GPC6: variants seen among roughly 807,000 people sequenced by gnomAD.
GPC6 encodes glypican-6.
In GPC6, 14 loss-of-function variants were observed where a neutral mutation model predicts 55.2. The observed-to-expected ratio is 0.25, with a 90% confidence interval of 0.17 to 0.40. The LOEUF is 0.40. GPC6 is among the 10% of genes least tolerant of loss of function. The pLI, the probability that GPC6 is intolerant of heterozygous loss-of-function variation, is 1.00. For synonymous variants in GPC6, 278 were observed against 259.6 expected (o/e 1.07, Z -0.68); for missense variants, 641 against 708.5 (o/e 0.90, Z 1.08).
intron 2 of GPC6, among the ~76,000 whole-genome samples, chr13:93,567,706 C>T (rs560933791): frequency 6.6e-6 from 1 of 152,108 alleles, no homozygotes; most frequent in East Asian, 1.9e-4. Context: ...ATTTATATTT[C>T]AGTACATTGC....
chr13:93,400,853 T>G (rs932088581), intron 1 of GPC6, among the ~76,000 whole-genome samples: 1 of 151,942 alleles, frequency 6.6e-6, no homozygotes, highest in African/African-American at 2.4e-5. Flanking sequence ...AGCTGGGGGA[T>G]GTGGGAAAGT....
intron 4 of GPC6, among the ~76,000 whole-genome samples, chr13:94,171,461 A>C (rs557137210): frequency 6.4e-4 from 98 of 152,342 alleles, no homozygotes; most frequent in African/African-American, 2.3e-3. Flanking sequence ...AGGGTGCATA[A>C]GCGAAGCAGC....
At chr13:93,309,041 G>A (rs1270644634) in intron 1 of GPC6, among the ~76,000 whole-genome samples, 1 of 151,980 alleles carries the variant, frequency 6.6e-6, no homozygotes, top group Admixed American at 6.6e-5. Context: ...TACTATAGTG[G>A]AACAAAATAC....
At chr13:93,910,668 A>G (rs78544714) in intron 3 of GPC6, among the ~76,000 whole-genome samples, 1,642 of 152,244 alleles carry the variant, frequency 0.011, 25 homozygotes, top group African/African-American at 0.037. Context: ...GAAGATATAA[A>G]ATACCTCAAA....
intron 6 of GPC6, among the ~76,000 whole-genome samples, chr13:94,330,286 T>C (rs1340386160): frequency 6.6e-6 from 1 of 152,236 alleles, no homozygotes; most frequent in East Asian, 1.9e-4. Flanking sequence ...TTAAAGTCTG[T>C]TTGGCCACTG....
At chr13:93,517,772 G>T (rs767161594) in intron 1 of GPC6, among the ~76,000 whole-genome samples, 12 of 151,874 alleles carry the variant, frequency 7.9e-5, no homozygotes, top group Non-Finnish European at 1.8e-4. Context: ...TCCAGTGAGG[G>T]AATACAAATC....
intron 6 of GPC6, among the ~76,000 whole-genome samples, chr13:94,308,583 T>C (rs1378410043): frequency 2.0e-5 from 3 of 152,236 alleles, no homozygotes; most frequent in African/African-American, 4.8e-5. Context: ...AAGCCAATTT[T>C]ATTCTAAAAC....
At chr13:93,682,382 C>T (rs1269736773) in intron 2 of GPC6, among the ~76,000 whole-genome samples, 4 of 152,072 alleles carry the variant, frequency 2.6e-5, no homozygotes, top group East Asian at 1.9e-4. Context: ...GCCATGAGTG[C>T]GACTGGACCC....
chr13:93,797,159 G>A lies in GPC6; in HGVS notation c.320-32995G>A, dbSNP rs537189738. Among the ~76,000 whole-genome samples the A allele has an allele frequency of 4.9e-5, 5 of 101,092 alleles. No homozygotes were observed. The South Asian group carries it at 1.4e-3, about 29-fold the overall frequency. 66.3% of individuals were successfully genotyped at this position (101,092 alleles called of 152,430 possible). On this transcript the variant is annotated intron_variant, in intron 2 of 8. Coordinates refer to ENST00000377047, the MANE Select transcript of GPC6 (RefSeq NM_005708.5). ...ATAGTTCCCTTTGTCATTTAATAGA[G>A]AGGTAGAAAAATGCAGATTTTTATT...
At chr13:93,754,259 A>C (rs548589573) in intron 2 of GPC6, among the ~76,000 whole-genome samples, 1 of 152,336 alleles carries the variant, frequency 6.6e-6, no homozygotes, top group Admixed American at 6.5e-5. Flanking sequence ...AAGAGAGGAC[A>C]TTAGTAACAG....
chr13:93,672,844 G>T (rs1337838797), intron 2 of GPC6, among the ~76,000 whole-genome samples: 1 of 151,960 alleles, frequency 6.6e-6, no homozygotes, highest in African/African-American at 2.4e-5. Context: ...GATTAATGCT[G>T]CTTCTGCTGA....
intron 3 of GPC6, among the ~76,000 whole-genome samples, chr13:93,840,227 A>G (rs1288294203): frequency 6.6e-6 from 1 of 152,210 alleles, no homozygotes; most frequent in Non-Finnish European, 1.5e-5. Flanking sequence ...AAGAAAGAAA[A>G]TCCAAATAAC....
intron 3 of GPC6, among the ~76,000 whole-genome samples, chr13:93,919,425 G>A (rs1023602962): frequency 2.0e-5 from 3 of 152,118 alleles, no homozygotes; most frequent in Non-Finnish European, 4.4e-5. Context: ...AGTAAATTAG[G>A]ACATGGTTCA....
chr13:94,244,983 A>G (rs2139030418), intron 4 of GPC6, among the ~76,000 whole-genome samples: 1 of 152,222 alleles, frequency 6.6e-6, no homozygotes, highest in Middle Eastern at 3.4e-3. Context: ...AAATAAACAC[A>G]GCTACCATCT....
chr13:93,876,667 G>C (rs993869250), intron 3 of GPC6, among the ~76,000 whole-genome samples: 15 of 151,992 alleles, frequency 9.9e-5, no homozygotes, highest in Non-Finnish European at 1.6e-4. Context: ...TCTCACTTTA[G>C]TCCAACCCAT....
intron 4 of GPC6, among the ~76,000 whole-genome samples, chr13:94,163,303 T>C (rs1285457158): frequency 1.3e-5 from 2 of 152,148 alleles, no homozygotes; most frequent in Non-Finnish European, 2.9e-5. Flanking sequence ...TGCTGGCCAG[T>C]TTTGTTTCAT....
intron 3 of GPC6, among the ~76,000 whole-genome samples, chr13:93,999,691 C>T (rs566503578): frequency 6.6e-6 from 1 of 152,166 alleles, no homozygotes; most frequent in African/African-American, 2.4e-5. Context: ...AGTTGATGGA[C>T]ACTTAGGTTG....
intron 3 of GPC6, among the ~76,000 whole-genome samples, chr13:93,841,349 G>A (rs941668853): frequency 3.3e-5 from 5 of 152,142 alleles, no homozygotes; most frequent in Admixed American, 2.6e-4. Flanking sequence ...TTGTAAGAAA[G>A]AGGGGGGTAT....
At chr13:93,296,505 C>T (rs1459360486) in intron 1 of GPC6, among the ~76,000 whole-genome samples, 1 of 152,120 alleles carries the variant, frequency 6.6e-6, no homozygotes, top group Admixed American at 6.5e-5. Flanking sequence ...TTCCTGCCTC[C>T]TGTACCTGAT....
Sources: gnomAD v4.1 joint callset for allele counts (sites outside exome capture counted in the v4.1 genomes callset) on GRCh38, gnomAD v4.1.1 for gene constraint, MANE v1.5 for transcripts, NCBI Gene and HGNC (gene_info 2026-07-23, HGNC 2026-07-21) for gene names.